NCKAP1: variants seen among roughly 807,000 people sequenced by gnomAD.
NCKAP1 encodes the protein nck-associated protein 1.
Under a neutral mutation model 151.2 loss-of-function variants are expected in NCKAP1, and 21 were observed. The observed-to-expected ratio is 0.14, with a 90% CI of 0.10 to 0.20. The LOEUF is 0.20. Among genes scored for constraint, NCKAP1 ranks in the 10% least tolerant of loss-of-function variants. The pLI is 1.00. For missense variants in NCKAP1, 933 were observed against 1,352.1 expected, an observed-to-expected ratio of 0.69 and a Z score of 4.86; for synonymous variants, 484 against 451.8, an observed-to-expected ratio of 1.07 and a Z score of -0.90.
Position 182,916,753 on chromosome 2 carries a change from C to T in NCKAP1, c.*8949G>A, listed in dbSNP as rs943621743. Reference sequence around the variant, plus strand: ...ATAACATTTGAAAATACAAGCTTTACATCTTATACATTTTTGTGTATAGTA... The same window carrying T: ...ATAACATTTGAAAATACAAGCTTTATATCTTATACATTTTTGTGTATAGTA... On this transcript the variant is annotated 3_prime_UTR_variant, in exon 31 of 31. Coordinates refer to ENST00000361354, the MANE Select transcript of NCKAP1 (RefSeq NM_013436.5). The T allele has an allele frequency of 2.0e-5, 3 of 152,156 alleles. No homozygotes were observed. The highest frequency in any genetic ancestry group is 4.8e-5 in the African/African-American group (2 of 41,432). 9.4% of individuals were successfully genotyped at this position (152,156 alleles called of 1,614,324 possible).
intron 2 of NCKAP1, among the ~76,000 whole-genome samples, chr2:183,019,282 A>G (rs1483366458): frequency 6.6e-6 from 1 of 152,200 alleles, no homozygotes; most frequent in Admixed American, 6.5e-5. Context: ...CTATTGTGCC[A>G]GATAATATTT....
chr2:183,000,210 C>T (rs1303874243), intron 6 of NCKAP1, among the ~76,000 whole-genome samples: 3 of 152,108 alleles, frequency 2.0e-5, no homozygotes, highest in East Asian at 1.9e-4. Context: ...TAAGGTATCA[C>T]GGAATATTAG....
chr2:182,973,238 C>A (rs184559979), intron 15 of NCKAP1, among the ~76,000 whole-genome samples: 1 of 151,668 alleles, frequency 6.6e-6, no homozygotes, highest in East Asian at 1.9e-4. Flanking sequence ...AAAACAAATT[C>A]AGAAGAAATG....
At chr2:182,938,766 G>A (rs1249927062) in intron 24 of NCKAP1, among the ~76,000 whole-genome samples, 3 of 152,186 alleles carry the variant, frequency 2.0e-5, no homozygotes, top group Non-Finnish European at 4.4e-5. Flanking sequence ...CAGCATAAGG[G>A]AGAATGCACT....
chr2:183,017,225 G>T (rs1045955197), intron 2 of NCKAP1, among the ~76,000 whole-genome samples: 4 of 152,154 alleles, frequency 2.6e-5, no homozygotes, highest in South Asian at 2.1e-4. Flanking sequence ...CGGAGGGGTG[G>T]AGGGTGGTTT....
chr2:182,960,187 C>T (rs1426120011), intron 18 of NCKAP1, among the ~76,000 whole-genome samples: 1 of 152,162 alleles, frequency 6.6e-6, no homozygotes, highest in Non-Finnish European at 1.5e-5. Context: ...ATGCCATCCC[C>T]ATCAAGCTAC....
Position 182,989,164 on chromosome 2 carries a change from C to A in NCKAP1, c.813G>T (p.Gly271=), listed in dbSNP as rs772482592. 3 of 1,597,332 alleles carry A rather than the reference C, an allele frequency of 1.9e-6. No homozygotes were observed. The highest frequency in any genetic ancestry group is 1.8e-5 in the Admixed American group (1 of 55,406). The part of the protein sequence containing the change: ...WIIFGFILCH[G]ILNTDATALN... ...GTGCTGTAGCGTCAGTATTTAGGAT[C>A]CCATGGCACAAAATAAAGCCAACTT... Residue 271 remains glycine (G), a synonymous_variant, in exon 9 of 31, where the codon GGG becomes GGT. Coordinates refer to ENST00000361354, the MANE Select transcript of NCKAP1 (RefSeq NM_013436.5).
chr2:182,933,442 G>A (rs1283718828), intron 26 of NCKAP1, among the ~76,000 whole-genome samples: 1 of 140,242 alleles, frequency 7.1e-6, no homozygotes, highest in East Asian at 2.1e-4. Context: ...TGCCCAGGCT[G>A]GAGTGCAGTG....
chr2:182,936,283 G>T (rs936641454), intron 24 of NCKAP1, among the ~76,000 whole-genome samples: 2 of 151,992 alleles, frequency 1.3e-5, no homozygotes, highest in Non-Finnish European at 2.9e-5. Flanking sequence ...AACAAAGTAG[G>T]ATTGGAAGGG....
intron 18 of NCKAP1, among the ~76,000 whole-genome samples, chr2:182,959,505 G>A (rs1697396183): frequency 6.6e-6 from 1 of 152,170 alleles, no homozygotes; most frequent in Non-Finnish European, 1.5e-5. Context: ...TATCTCAACA[G>A]ATGCACAAAA....
At chr2:182,971,059 C>T (rs922746157) in intron 15 of NCKAP1, among the ~76,000 whole-genome samples, 1 of 151,926 alleles carries the variant, frequency 6.6e-6, no homozygotes, top group African/African-American at 2.4e-5. Flanking sequence ...ACAATGAAAG[C>T]TATAAACATT....
chr2:182,950,919 GC>G (rs1697200903), intron 23 of NCKAP1, among the ~76,000 whole-genome samples: 2 of 151,844 alleles, frequency 1.3e-5, no homozygotes, highest in Non-Finnish European at 2.9e-5. Context: ...TGCAACCTCC[GC>G]CTCCCGGGTT....
rs1696569288 is a variant in NCKAP1 at position 182,922,568 on chromosome 2, C to T, written c.*3134G>A. 6.6e-6 allele frequency: 1 copy of T among 152,248 alleles called. No individual in the cohort carries two copies. The highest frequency in any genetic ancestry group is 1.5e-5 in the Non-Finnish European group (1 of 68,112). The allele number at this position is 152,248 out of a possible 1,614,324, so 9.4% of individuals were successfully genotyped here. A position where few individuals can be genotyped will look rare whatever the true frequency, so the allele number is the denominator to read the frequency against. On this transcript the variant is annotated 3_prime_UTR_variant, in exon 31 of 31. Coordinates refer to ENST00000361354, the MANE Select transcript of NCKAP1 (RefSeq NM_013436.5). ...GGGTCTTTGCCTTTATTATTCCTCCCCTCAGCCCACTTGTGGTTCCTTCTA... is the reference window on the plus strand; with the variant it reads ...GGGTCTTTGCCTTTATTATTCCTCCTCTCAGCCCACTTGTGGTTCCTTCTA...
At chr2:182,957,702 C>G (rs1210957401) in intron 18 of NCKAP1, 106 bp from the exon 19 acceptor site, 4 of 1,193,070 alleles carry the variant, frequency 3.4e-6, no homozygotes, top group African/African-American at 3.1e-5. Flanking sequence ...GCAAATATCA[C>G]AACAATATTA....
chr2:182,940,246 T>G (rs1289429465), intron 24 of NCKAP1, among the ~76,000 whole-genome samples: 1 of 151,884 alleles, frequency 6.6e-6, no homozygotes, highest in Non-Finnish European at 1.5e-5. Flanking sequence ...ACAAAACTAA[T>G]AAGAATAAAG....
chr2:182,986,804 A>T (rs997194771), intron 9 of NCKAP1, among the ~76,000 whole-genome samples: 5 of 152,180 alleles, frequency 3.3e-5, no homozygotes, highest in Non-Finnish European at 7.3e-5. Context: ...TTTTTCAAAT[A>T]AAAAAACATT....
At chr2:182,930,491 T>C (rs1696740449) in intron 27 of NCKAP1, among the ~76,000 whole-genome samples, 1 of 152,070 alleles carries the variant, frequency 6.6e-6, no homozygotes, top group Admixed American at 6.6e-5. Flanking sequence ...AATGGCTCAG[T>C]AATCTCAACC....
Position 182,912,508 on chromosome 2 carries a change from T to C in NCKAP1, c.*13194A>G, listed in dbSNP as rs1696410871. On this transcript the variant is annotated 3_prime_UTR_variant, in exon 31 of 31. Coordinates refer to ENST00000361354, the MANE Select transcript of NCKAP1 (RefSeq NM_013436.5). Reference sequence around the variant, plus strand: ...TCCAATGACCTGTAAAAATTATATATTCAGAAAGGCATTTTTCTCAGCAAA... The same window carrying C: ...TCCAATGACCTGTAAAAATTATATACTCAGAAAGGCATTTTTCTCAGCAAA... 1 of 152,172 alleles carries C rather than the reference T, an allele frequency of 6.6e-6. No individual in the cohort carries two copies. Among genetic ancestry groups the C allele is most frequent in the South Asian group, 2.1e-4 (1 of 4,830 alleles). 9.4% of individuals were successfully genotyped at this position (152,172 alleles called of 1,614,324 possible). A position where few individuals can be genotyped will look rare whatever the true frequency, so the allele number is the denominator to read the frequency against.
At chr2:183,003,806 G>C (rs1006880302) in intron 2 of NCKAP1, among the ~76,000 whole-genome samples, 1 of 151,852 alleles carries the variant, frequency 6.6e-6, no homozygotes, top group Non-Finnish European at 1.5e-5. Flanking sequence ...ATACGGTAAC[G>C]GTTCCCTGAC....
Sources: gnomAD v4.1 joint callset for allele counts (sites outside exome capture counted in the v4.1 genomes callset) on GRCh38, gnomAD v4.1.1 for gene constraint, MANE v1.5 for transcripts, NCBI Gene and HGNC (gene_info 2026-07-23, HGNC 2026-07-21) for gene names.